The following PRR5 variants were observed in gnomAD, a reference collection of about 807,000 sequenced individuals.
PRR5 encodes the protein proline-rich protein 5.
Under a neutral mutation model 30.6 loss-of-function variants are expected in PRR5, and 25 were observed. That is an observed-to-expected ratio of 0.82 (90% CI 0.60 to 1.14). The LOEUF is 1.14. Ranked by LOEUF, PRR5 falls within the 50% of genes most tolerant of loss-of-function variation. The probability of loss-of-function intolerance (pLI) is 0.00; values close to 1 mark genes in which losing one functional copy is unlikely to be tolerated. For missense variants in PRR5, 600 were observed against 547.1 expected, an observed-to-expected ratio of 1.10 and a Z score of -0.96; for synonymous variants, 286 against 247.1, an observed-to-expected ratio of 1.16 and a Z score of -1.48.
chr22:44,702,437 G>T lies in PRR5; in HGVS notation c.-38G>T. The T allele has an allele frequency of 7.7e-7, 1 of 1,291,692 alleles. No homozygotes were observed. The highest frequency in any genetic ancestry group is 9.8e-7 in the Non-Finnish European group (1 of 1,017,252). The allele number at this position is 1,291,692 out of a possible 1,614,324, so 80.0% of individuals were successfully genotyped here. Reference sequence around the variant, plus strand: ...GCGGCGTGGCGCAGGGCGCGGCGTGGGGCGCGCGTGGGCGCGGCGCAGGCG... The same window carrying T: ...GCGGCGTGGCGCAGGGCGCGGCGTGTGGCGCGCGTGGGCGCGGCGCAGGCG... On this transcript the variant is annotated 5_prime_UTR_variant, in exon 1 of 8. Coordinates refer to ENST00000336985, the MANE Select transcript of PRR5 (RefSeq NM_181333.4).
upstream of PRR5, among the ~76,000 whole-genome samples, chr22:44,674,144 T>G (rs80039413): frequency 2.2e-3 from 340 of 152,072 alleles, no homozygotes; most frequent in African/African-American, 7.7e-3. Context: ...ATCCTGCTTT[T>G]TTCTTGTTTT....
chr22:44,669,373 C>G (rs1923291449), intron 1 of PRR5, among the ~76,000 whole-genome samples: 1 of 152,214 alleles, frequency 6.6e-6, no homozygotes, highest in African/African-American at 2.4e-5. Context: ...CAGCCACTTC[C>G]TGGCTGGTAG....
rs752789216 is a variant in PRR5, at chr22:44,725,271, CT to C, written c.245del (p.Phe82SerfsTer11). On this transcript the variant is annotated frameshift_variant, in exon 3 of 8. Coordinates refer to ENST00000336985, the MANE Select transcript of PRR5 (RefSeq NM_181333.4). LOFTEE classifies it high-confidence loss of function. ...AGCTGTTGAAGACAGAGCTGGGGTC[CT>C]TCTTCACGGAGTACCTGCAGGTAGG... The part of the protein sequence containing the change: ...RQLLKTELGS[F>X]FTEYLQNQLL... The C allele has an allele frequency of 6.2e-7, 1 of 1,613,824 alleles. No homozygotes were observed. The highest frequency in any genetic ancestry group is 1.1e-5 in the South Asian group (1 of 91,084).
At chr22:44,730,181 G>A in intron 4 of PRR5, 4 of 985,402 alleles carry the variant, frequency 4.1e-6, no homozygotes, top group Non-Finnish European at 4.8e-6. Flanking sequence ...GCAGGGCCCA[G>A]AGAGTGAGAA....
In PRR5 at chr22:44,715,505, C is replaced by T. The variant is rs560583396; in HGVS notation, c.215+834C>T. Among the ~76,000 whole-genome samples, 17 of 152,304 alleles carry T rather than the reference C, an allele frequency of 1.1e-4. 1 individual carries two copies. In the South Asian group the frequency reaches 3.5e-3, roughly 32 times the overall value. On this transcript the variant is annotated intron_variant, in intron 2 of 7. Transcript: ENST00000336985. ...GCCCTTACATGTGGGTAAACTGAGGCCCAATACATGCCGCTTGTTCAGGGT... is the reference window on the plus strand; with the variant it reads ...GCCCTTACATGTGGGTAAACTGAGGTCCAATACATGCCGCTTGTTCAGGGT...
intron 1 of PRR5, among the ~76,000 whole-genome samples, chr22:44,689,904 T>C (rs1458129974): frequency 6.6e-6 from 1 of 152,178 alleles, no homozygotes; most frequent in Non-Finnish European, 1.5e-5. Flanking sequence ...CCGCCTCGGC[T>C]TCCCAAAGTG....
chr22:44,708,156 C>T (rs1329836375), intron 1 of PRR5, among the ~76,000 whole-genome samples: 7 of 152,006 alleles, frequency 4.6e-5, no homozygotes, highest in South Asian at 2.1e-4. Context: ...GCCGAGAACA[C>T]GCCACTGCAC....
At chr22:44,695,644 G>A (rs967945730) in intron 1 of PRR5, among the ~76,000 whole-genome samples, 1 of 152,064 alleles carries the variant, frequency 6.6e-6, no homozygotes, top group Non-Finnish European at 1.5e-5. Flanking sequence ...TGCCACCCAG[G>A]CTGGAGTGCA....
chr22:44,712,699 G>GGTGTGGGCAGCATC (rs1335656373), intron 1 of PRR5, among the ~76,000 whole-genome samples: 1 of 152,198 alleles, frequency 6.6e-6, no homozygotes, highest in East Asian at 1.9e-4. Flanking sequence ...CCTGCTTTGT[G>GGTGTGGGCAGCATC]GTGTGGGCAG....
chr22:44,691,890 G>A lies in PRR5; in HGVS notation c.-10-10602G>A, dbSNP rs1925272716. Among the ~76,000 whole-genome samples, 1 of 152,124 alleles carries A rather than the reference G, an allele frequency of 6.6e-6. No individual in the cohort carries two copies. Among genetic ancestry groups the A allele is most frequent in the Non-Finnish European group, 1.5e-5 (1 of 67,992 alleles). ...CTGGTTGGACGCCCCTCCTCCACGA[G>A]GGAAGCCAGGGCCTTGCCAGTGTCC... On this transcript the variant is annotated intron_variant, in intron 1 of 8. Transcript: ENST00000006251. This position sits in a 1 kb window ranked among gnomAD's most constrained non-coding sequence, Gnocchi z 4.4.
At chr22:44,726,785 C>T (rs1920964607) in intron 4 of PRR5, 151 bp downstream of exon 4, 2 of 1,242,240 alleles carry the variant, frequency 1.6e-6, no homozygotes, top group Non-Finnish European at 2.2e-6. Context: ...CTTAGGGCAG[C>T]AGGGCCGAGA....
chr22:44,730,177 C>T (rs1921685114), intron 4 of PRR5: 1 of 985,164 alleles, frequency 1.0e-6, no homozygotes, highest in African/African-American at 1.7e-5. Context: ...GGGGGCAGGG[C>T]CCAGAGAGTG....
rs1325402189 is a variant in PRR5 at position 44,703,613 on chromosome 22, C to G, written c.134+1005C>G. On this transcript the variant is annotated intron_variant, in intron 1 of 7. Transcript: ENST00000336985. ...ACATGCCTGCCTCCGTTTCCCTCTCCGTCAGTGGGTATTCGCATTCCTCCC... is the reference window on the plus strand; with the variant it reads ...ACATGCCTGCCTCCGTTTCCCTCTCGGTCAGTGGGTATTCGCATTCCTCCC... Among the ~76,000 whole-genome samples, 3 of 152,280 alleles carry G rather than the reference C, an allele frequency of 2.0e-5. No individual in the cohort carries two copies. The East Asian group carries it at 5.8e-4, about 29-fold the overall frequency.
chr22:44,716,987 G>A (rs1479370882), intron 2 of PRR5, among the ~76,000 whole-genome samples: 8 of 152,134 alleles, frequency 5.3e-5, no homozygotes, highest in African/African-American at 9.6e-5. Flanking sequence ...ATGTGAGCCC[G>A]GAGGAGGAGG....
At chr22:44,688,069 C>T (rs892673987) in intron 1 of PRR5, among the ~76,000 whole-genome samples, 1 of 151,702 alleles carries the variant, frequency 6.6e-6, no homozygotes, top group African/African-American at 2.4e-5. Flanking sequence ...GCCACCGCAC[C>T]CGGCCTGAGT....
chr22:44,683,878 T>C (rs1267458309), intron 1 of PRR5, among the ~76,000 whole-genome samples: 1 of 152,236 alleles, frequency 6.6e-6, no homozygotes, highest in African/African-American at 2.4e-5. Context: ...TGTCCACCCC[T>C]GTCATCCTTG....
chr22:44,715,485 T>C (rs1046023175), intron 2 of PRR5, among the ~76,000 whole-genome samples: 3 of 152,148 alleles, frequency 2.0e-5, no homozygotes, highest in Non-Finnish European at 4.4e-5. Context: ...AAGGGGCCCT[T>C]ACATGTGGGT....
chr22:44,670,155 G>A (rs6006845), intron 1 of PRR5, among the ~76,000 whole-genome samples: 67,817 of 151,992 alleles, frequency 0.45, 15,511 homozygotes, highest in Non-Finnish European at 0.5. Flanking sequence ...ACCTTCCTCC[G>A]GCTGGCGGAC....
chr22:44,729,051 TGGGAACTCTGGGC>T (rs1416016157), intron 4 of PRR5, among the ~76,000 whole-genome samples: 3 of 152,178 alleles, frequency 2.0e-5, no homozygotes, highest in African/African-American at 7.2e-5. Flanking sequence ...GCCAGAAACT[TGGGAACTCTGGGC>T]GGGAGCTCCT....
Sources: allele counts gnomAD v4.1 joint callset (sites outside exome capture counted in the v4.1 genomes callset), GRCh38; gene constraint gnomAD v4.1.1; non-coding constraint Gnocchi (gnomAD v3.1); transcripts MANE v1.5; gene names NCBI Gene and HGNC (gene_info 2026-07-23, HGNC 2026-07-21).